The following EDC4 variants were observed in gnomAD, a reference collection of about 807,000 sequenced individuals.
EDC4 encodes enhancer of mRNA-decapping protein 4.
In EDC4, 64 loss-of-function variants were observed where a neutral mutation model predicts 155.8. The observed-to-expected ratio is 0.41, with a 90% CI of 0.34 to 0.51. EDC4 has a LOEUF of 0.51. Ranked by LOEUF, EDC4 falls within the 20% of genes least tolerant of loss-of-function variation. The pLI, the probability that EDC4 is intolerant of heterozygous loss-of-function variation, is 0.19. For missense variants in EDC4, 1,303 were observed against 1,812.5 expected (o/e 0.72, Z 5.10); for synonymous variants, 684 against 716.8 (o/e 0.95, Z 0.73).
Position 67,877,942 on chromosome 16 carries a change from A to G in EDC4, c.894+97A>G, listed in dbSNP as rs375801553. ...CAGCTGCCCGGGCAGCTTTACTAGCATTCTGCCCGTGGGGACTCTGAGCTC... is the reference window on the plus strand; with the variant it reads ...CAGCTGCCCGGGCAGCTTTACTAGCGTTCTGCCCGTGGGGACTCTGAGCTC... On this transcript the variant is annotated intron_variant, in intron 7 of 28. Coordinates refer to ENST00000358933, the MANE Select transcript of EDC4 (RefSeq NM_014329.5). This position sits in a 1 kb window ranked among gnomAD's most constrained non-coding sequence, Gnocchi z 4.9. The G allele has an allele frequency of 1.9e-6, 3 of 1,546,616 alleles. No homozygotes were observed. Among genetic ancestry groups the G allele is most frequent in the East Asian group, 2.4e-5 (1 of 41,982 alleles).
Position 67,883,707 on chromosome 16 carries a change from G to T in EDC4, c.3989G>T (p.Gly1330Val), listed in dbSNP as rs1356027994. The change falls in exon 28 of 29, where the codon GGC becomes GTC. Residue 1330 changes from glycine to valine, a missense_variant. By Grantham distance (109) the Gly-to-Val change is moderately radical. This residue lies in a region of EDC4 where 527 missense variants were observed against 757.0 expected (regional missense o/e 0.70). Transcript: ENST00000358933. The surrounding 1 kb of genome is among the most constrained non-coding windows in gnomAD (Gnocchi z 5.3). ...ATCCAGCAGCTGGCATCTGACCTTG[G>T]CACTCGAACTGACCTCAAGCTCAGG... ...SLIQQLASDLGTRTDLKLSYL... is the reference protein window; with the variant it reads ...SLIQQLASDLVTRTDLKLSYL... The T allele has an allele frequency of 6.2e-7, 1 of 1,614,096 alleles. No individual in the cohort carries two copies. The highest frequency in any genetic ancestry group is 8.5e-7 in the Non-Finnish European group (1 of 1,180,024).
chr16:67,882,523 C>T lies in EDC4; in HGVS notation c.3371C>T (p.Pro1124Leu). The part of the protein sequence containing the change: ...YREAFQSVVL[P>L]AFEKSCQAMF... ...GAAGCCTTCCAGAGTGTGGTGCTGC[C>T]GGCCTTTGAGAAGAGCTGCCAGGCC... The change falls in exon 25 of 29, where the codon CCG becomes CTG. Residue 1124 changes from proline to leucine, a missense_variant. Coordinates refer to ENST00000358933, the MANE Select transcript of EDC4 (RefSeq NM_014329.5). The surrounding 1 kb of genome is among the most constrained non-coding windows in gnomAD (Gnocchi z 7.2). 1.9e-6 allele frequency: 3 copies of T among 1,614,196 alleles called. No homozygotes were observed. Among genetic ancestry groups the T allele is most frequent in the Admixed American group, 1.7e-5 (1 of 60,032 alleles).
rs1240227649 is a variant in EDC4, at chr16:67,879,068, G to T, written c.1399G>T (p.Val467Leu). 6.2e-7 allele frequency: 1 copy of T among 1,613,434 alleles called. No homozygotes were observed. Among genetic ancestry groups the T allele is most frequent in the African/African-American group, 1.3e-5 (1 of 74,944 alleles). Residue 467 changes from valine (V) to leucine (L), a missense_variant, in exon 12 of 29, where the codon GTG (valine) becomes TTG (leucine). Transcript: ENST00000358933. This position sits in a 1 kb window ranked among gnomAD's most constrained non-coding sequence, Gnocchi z 6.0. ...TGTGCTGAGCTTTGGTATCCAGGTT[G>T]TGAGTCGCTGCCGGCTACGGCACAC... ...HPVLSFGIQV[V>L]SRCRLRHTEV...
Position 67,878,836 on chromosome 16 carries a change from G to A in EDC4, c.1284G>A (p.Arg428=). ...AEYLILSDVQ[R]KVLYVMELLQ... is the part of the protein sequence containing the mutation. ...ACCTGATTCTCAGCGATGTGCAACG[G>A]AAGGTAGGCTGCCATGGGGTACCCT... The change falls in exon 11 of 29, where the codon CGG becomes CGA. Residue 428 remains arginine, a synonymous_variant. Transcript: ENST00000358933. The surrounding 1 kb of genome is among the most constrained non-coding windows in gnomAD (Gnocchi z 5.2). The A allele has an allele frequency of 6.2e-7, 1 of 1,613,586 alleles. No individual in the cohort carries two copies. The highest frequency in any genetic ancestry group is 1.3e-5 in the African/African-American group (1 of 75,054).
Position 67,883,871 on chromosome 16 carries a change from G to T in EDC4, c.4014-85G>T. ...AGTCCTTTCTGCCTTCACCCAGAGG[G>T]TTCCCTCTGGGCCTCGGTGCCACCA... On this transcript the variant is annotated intron_variant, in intron 28 of 28. Coordinates refer to ENST00000358933, the MANE Select transcript of EDC4 (RefSeq NM_014329.5). This position sits in a 1 kb window ranked among gnomAD's most constrained non-coding sequence, Gnocchi z 5.3. 1.3e-6 allele frequency: 2 copies of T among 1,536,270 alleles called. No individual in the cohort carries two copies. Among genetic ancestry groups the T allele is most frequent in the Non-Finnish European group, 1.8e-6 (2 of 1,137,692 alleles).
In EDC4 at chr16:67,883,554, T is replaced by G; in HGVS notation, c.3850-14T>G. 6.2e-7 allele frequency: 1 copy of G among 1,612,320 alleles called. No individual in the cohort carries two copies. The highest frequency in any genetic ancestry group is 8.5e-7 in the Non-Finnish European group (1 of 1,179,860). On this transcript the variant is annotated splice_polypyrimidine_tract_variant and intron_variant, in intron 27 of 28. Coordinates refer to ENST00000358933, the MANE Select transcript of EDC4 (RefSeq NM_014329.5). This position sits in a 1 kb window ranked among gnomAD's most constrained non-coding sequence, Gnocchi z 5.3. ...GATATTTGCTATAAACACTGCTGCT[T>G]TTTTCTCCTCCAGGCGCTGACAGCT...
Position 67,877,147 on chromosome 16 carries a change from G to T in EDC4, c.452-70G>T. The T allele has an allele frequency of 6.5e-7, 1 of 1,544,712 alleles. No individual in the cohort carries two copies. On this transcript the variant is annotated intron_variant, in intron 4 of 28. Transcript: ENST00000358933. The surrounding 1 kb of genome is among the most constrained non-coding windows in gnomAD (Gnocchi z 4.9). ...CTCTGGTGGTGGCAGGGAGACAGGT[G>T]GGGCAGCGCTTCTCTGCTACTGCCT... is the stretch of plus-strand genomic sequence containing the variant.
Position 67,883,181 on chromosome 16 carries a change from C to T in EDC4, c.3849+4C>T, listed in dbSNP as rs779437052. 580 of 1,566,394 alleles carry T rather than the reference C, an allele frequency of 3.7e-4. No homozygotes were observed. The highest frequency in any genetic ancestry group is 4.8e-4 in the Non-Finnish European group (553 of 1,157,334). On this transcript the variant is annotated splice_donor_region_variant and intron_variant, in intron 27 of 28. Transcript: ENST00000358933. The surrounding 1 kb of genome is among the most constrained non-coding windows in gnomAD (Gnocchi z 5.3). ...CCTCAATCAGGCCTTCCAGCAGGTA[C>T]GATAGGCATTAGGCCCTGCTAAGGG...
chr16:67,884,038 C>T lies in EDC4; in HGVS notation c.4096C>T (p.Arg1366Cys), dbSNP rs777652247. Residue 1366 changes from arginine (R) to cysteine (C), a missense_variant, in exon 29 of 29, where the codon CGC becomes TGC. Transcript: ENST00000358933. This position sits in a 1 kb window ranked among gnomAD's most constrained non-coding sequence, Gnocchi z 4.1. ...DHMGSVMAQV[R>C]QKLFQFLQAE... ...CATGGGCTCCGTTATGGCCCAGGTG[C>T]GCCAAAAGCTTTTTCAGTTCCTGCA... 19 of 1,614,004 alleles carry T rather than the reference C, an allele frequency of 1.2e-5. No homozygotes were observed. The highest frequency in any genetic ancestry group is 8.9e-5 in the East Asian group (4 of 44,900).
At position 67,881,349 on chromosome 16, in the gene EDC4, G is replaced by C. The variant is rs2151305859; in HGVS notation, c.2721G>C (p.Lys907Asn). 6.2e-7 allele frequency: 1 copy of C among 1,614,170 alleles called. No individual in the cohort carries two copies. Among genetic ancestry groups the C allele is most frequent in the South Asian group, 1.1e-5 (1 of 91,086 alleles). The part of the protein sequence containing the change: ...TKVPAPRLPA[K>N]DWKTKGSPRT... ...TTCCTGCTCCACGGCTGCCTGCCAAGGACTGGAAGACCAAGGGATCCCCTC... is the reference window on the plus strand; with the variant it reads ...TTCCTGCTCCACGGCTGCCTGCCAACGACTGGAAGACCAAGGGATCCCCTC... The change falls in exon 20 of 29, where the codon AAG (lysine) becomes AAC (asparagine). Residue 907 changes from lysine (K) to asparagine (N), a missense_variant. This residue lies in a region of EDC4 where 527 missense variants were observed against 757.0 expected (regional missense o/e 0.70). Coordinates refer to ENST00000358933, the MANE Select transcript of EDC4 (RefSeq NM_014329.5). The surrounding 1 kb of genome is among the most constrained non-coding windows in gnomAD (Gnocchi z 5.4).
In EDC4 at chr16:67,880,254, G is replaced by C. The variant is rs781406641; in HGVS notation, c.2097+38G>C. 1.8e-5 allele frequency: 28 copies of C among 1,557,310 alleles called. No homozygotes were observed. In the Admixed American group the frequency reaches 5.0e-4, roughly 28 times the overall value. On this transcript the variant is annotated intron_variant, in intron 17 of 28. Transcript: ENST00000358933. The surrounding 1 kb of genome is among the most constrained non-coding windows in gnomAD (Gnocchi z 5.2). ...GTGTGTGTGTGAAGTGTGGGGAGCA[G>C]GTGGGCAGCAGCAGGGAAGGTGGGT...
chr16:67,879,606 C>A lies in EDC4; in HGVS notation c.1653C>A (p.Pro551=). Residue 551 remains proline (P), a synonymous_variant, in exon 15 of 29, where the codon CCC becomes CCA. Coordinates refer to ENST00000358933, the MANE Select transcript of EDC4 (RefSeq NM_014329.5). This position sits in a 1 kb window ranked among gnomAD's most constrained non-coding sequence, Gnocchi z 6.0. ...HEDFTFGESR[P]ELGSEGLGSA... is the part of the protein sequence containing the mutation. ...CTGCAGCATTTGGAGAGTCTCGGCC[C>A]GAACTGGGCTCTGAGGGCCTGGGGT... 1 of 1,614,090 alleles carries A rather than the reference C, an allele frequency of 6.2e-7. No homozygotes were observed. The highest frequency in any genetic ancestry group is 1.3e-5 in the African/African-American group (1 of 75,050).
Position 67,878,167 on chromosome 16 carries a change from G to C in EDC4, c.896G>C (p.Cys299Ser). 6 of 1,614,156 alleles carry C rather than the reference G, an allele frequency of 3.7e-6. No individual in the cohort carries two copies. The highest frequency in any genetic ancestry group is 5.1e-6 in the Non-Finnish European group (6 of 1,180,024). Reference sequence around the variant, plus strand: ...CAAAGCTTTTTGGGTTCTTTCTAGTGCCTCAGTGAAGGAGCCCTCTCTCCT... The same window carrying C: ...CAAAGCTTTTTGGGTTCTTTCTAGTCCCTCAGTGAAGGAGCCCTCTCTCCT... ...GFIVVKGHSTCLSEGALSPDG... is the reference protein window; with the variant it reads ...GFIVVKGHSTSLSEGALSPDG... Residue 299 changes from cysteine to serine, a missense_variant and splice_region_variant, in exon 8 of 29, where the codon TGC (cysteine) becomes TCC (serine). Coordinates refer to ENST00000358933, the MANE Select transcript of EDC4 (RefSeq NM_014329.5). This position sits in a 1 kb window ranked among gnomAD's most constrained non-coding sequence, Gnocchi z 5.2.
rs1236235961 is a variant in EDC4 at position 67,877,472 on chromosome 16, CTTCA to C, written c.642-31_642-28del. 1 of 1,612,208 alleles carries C rather than the reference CTTCA, an allele frequency of 6.2e-7. No homozygotes were observed. Among genetic ancestry groups the C allele is most frequent in the Admixed American group, 1.7e-5 (1 of 59,960 alleles). ...TGGGCGGAGCTGGGGTGTCACGCCTCTTCATTCATCTATCTAGCCCTTAACACCC... is the reference window on the plus strand; with the variant it reads ...TGGGCGGAGCTGGGGTGTCACGCCTCTTCATCTATCTAGCCCTTAACACCC... On this transcript the variant is annotated intron_variant, in intron 5 of 28. Coordinates refer to ENST00000358933, the MANE Select transcript of EDC4 (RefSeq NM_014329.5). The surrounding 1 kb of genome is among the most constrained non-coding windows in gnomAD (Gnocchi z 4.9).
chr16:67,882,945 C>T lies in EDC4; in HGVS notation c.3630-13C>T. ...CTCCCTGTCCACTTCACCTCACTCA[C>T]TTCCCTTTGCAGCCTGCAGGAGTCC... On this transcript the variant is annotated splice_polypyrimidine_tract_variant and intron_variant, in intron 26 of 28. Coordinates refer to ENST00000358933, the MANE Select transcript of EDC4 (RefSeq NM_014329.5). This position sits in a 1 kb window ranked among gnomAD's most constrained non-coding sequence, Gnocchi z 7.2. 6.2e-7 allele frequency: 1 copy of T among 1,613,740 alleles called. No individual in the cohort carries two copies. Among genetic ancestry groups the T allele is most frequent in the East Asian group, 2.2e-5 (1 of 44,860 alleles).
In EDC4 at chr16:67,880,616, A is replaced by G. The variant is rs776131058; in HGVS notation, c.2157A>G (p.Leu719=). The change falls in exon 18 of 29, where the codon CTA becomes CTG. Residue 719 remains leucine (L), a synonymous_variant. Transcript: ENST00000358933. This position sits in a 1 kb window ranked among gnomAD's most constrained non-coding sequence, Gnocchi z 5.2. ...TGCAGGAAGTGGAGCCCCTGGGGCT[A>G]CCCCAAGCCTCCCCTAGCCGCACTC... is the stretch of plus-strand genomic sequence containing the variant. ...LELQEVEPLG[L]PQASPSRTRS... The G allele has an allele frequency of 6.2e-7, 1 of 1,613,782 alleles. No individual in the cohort carries two copies. Among genetic ancestry groups the G allele is most frequent in the Non-Finnish European group, 8.5e-7 (1 of 1,179,968 alleles).
Position 67,876,793 on chromosome 16 carries a change from T to G in EDC4, c.352-80T>G. 1.3e-6 allele frequency: 2 copies of G among 1,584,342 alleles called. No homozygotes were observed. The highest frequency in any genetic ancestry group is 1.2e-5 in the South Asian group (1 of 84,818). On this transcript the variant is annotated intron_variant, in intron 3 of 28. Transcript: ENST00000358933. The surrounding 1 kb of genome is among the most constrained non-coding windows in gnomAD (Gnocchi z 5.8). Reference sequence around the variant, plus strand: ...GTGGGTAGCTGGACTTGCATCTGTGTCCTCTCCCATCCCCAGGGATGTTGG... The same window carrying G: ...GTGGGTAGCTGGACTTGCATCTGTGGCCTCTCCCATCCCCAGGGATGTTGG...
rs765644189 is a variant in EDC4 at position 67,878,455 on chromosome 16, G to A, written c.1088+12G>A. 1.2e-6 allele frequency: 2 copies of A among 1,614,226 alleles called. No homozygotes were observed. Among genetic ancestry groups the A allele is most frequent in the Non-Finnish European group, 1.7e-6 (2 of 1,180,038 alleles). On this transcript the variant is annotated intron_variant, in intron 9 of 28. Transcript: ENST00000358933. The surrounding 1 kb of genome is among the most constrained non-coding windows in gnomAD (Gnocchi z 5.2). ...AAACAAGACCCTGAGTGAGTGAGTG[G>A]GCAGCCTAGTGGGTGGTGGGCTGGA...
At chr16:67,873,462 AG>A (rs1245751831) in intron 1 of EDC4, 119 bp downstream of exon 1, 2 of 825,378 alleles carry the variant, frequency 2.4e-6, no homozygotes, top group Non-Finnish European at 3.5e-6. Flanking sequence ...CCGGCGGGTA[AG>A]GGTGGACGGG....
Sources: gnomAD v4.1 joint callset for allele counts on GRCh38, gnomAD v4.1.1 for gene constraint, gnomAD v4.1.1 regional missense constraint, Gnocchi (gnomAD v3.1) non-coding constraint, MANE v1.5 for transcripts, NCBI Gene and HGNC (gene_info 2026-07-23, HGNC 2026-07-21) for gene names.